Variants in TRAPPC12 observed in about 807,000 individuals in gnomAD.
TRAPPC12 encodes trafficking protein particle complex subunit 12, also known as TPR repeat protein 15.
A neutral mutation model predicts 69.2 loss-of-function variants in TRAPPC12; 61 were observed. That is an observed-to-expected ratio of 0.88 (90% CI 0.72 to 1.09). The LOEUF (loss-of-function observed/expected upper bound fraction) is 1.09, where lower values mean the gene tolerates loss of function less well. Ranked by LOEUF, TRAPPC12 falls within the 50% of genes least tolerant of loss-of-function variation. The probability of loss-of-function intolerance (pLI) is 0.00; values close to 1 mark genes in which losing one functional copy is unlikely to be tolerated. For missense variants in TRAPPC12, 1,101 were observed against 1,016.4 expected, an observed-to-expected ratio of 1.08 and a Z score of -1.13; for synonymous variants, 469 against 438.9, an observed-to-expected ratio of 1.07 and a Z score of -0.86.
At chr2:3,438,517 C>A (rs1172822861) in intron 5 of TRAPPC12, among the ~76,000 whole-genome samples, 1 of 128,110 alleles carries the variant, frequency 7.8e-6, no homozygotes, top group Non-Finnish European at 1.6e-5. Flanking sequence ...TGGATCAATC[C>A]CCCCAATCCC....
chr2:3,388,265 C>A lies in TRAPPC12; in HGVS notation c.642C>A (p.Ala214=). Residue 214 remains alanine, a synonymous_variant, in exon 2 of 12, where the codon GCC becomes GCA. Transcript: ENST00000324266. ...TCAGCACGTTCTTCGGAGACACGGC[C>A]GCCAGCCACTCCTTGGCCTCGGACT... ...PSLSTFFGDT[A]ASHSLASDFF... is the part of the protein sequence containing the mutation. 1.2e-6 allele frequency: 2 copies of A among 1,608,628 alleles called. No individual in the cohort carries two copies. The highest frequency in any genetic ancestry group is 1.7e-6 in the Non-Finnish European group (2 of 1,177,754).
At chr2:3,463,967 A>G (rs1346066710) in intron 8 of TRAPPC12, among the ~76,000 whole-genome samples, 1 of 152,094 alleles carries the variant, frequency 6.6e-6, no homozygotes, top group Non-Finnish European at 1.5e-5. Flanking sequence ...TCTGTTGGAA[A>G]GCAGGGCTGC....
chr2:3,392,955 A>G (rs1660906162), intron 2 of TRAPPC12, among the ~76,000 whole-genome samples: 2 of 152,228 alleles, frequency 1.3e-5, no homozygotes, highest in Admixed American at 1.3e-4. Flanking sequence ...GTGAGAGGAC[A>G]GAGAAAATTT....
In TRAPPC12 at chr2:3,427,880, G is replaced by A. The variant is rs907984341; in HGVS notation, c.1417+3217G>A. ...TGCACTCCAGCCTGAGCAACAGAGT[G>A]AGACTCTGTCCCACAAAAAAAAAAA... On this transcript the variant is annotated intron_variant, in intron 5 of 11. Coordinates refer to ENST00000324266, the MANE Select transcript of TRAPPC12 (RefSeq NM_016030.6). Among the ~76,000 whole-genome samples the A allele has an allele frequency of 3.4e-5, 5 of 147,892 alleles. No individual in the cohort carries two copies. The East Asian group carries it at 9.7e-4, about 29-fold the overall frequency.
intron 3 of TRAPPC12, among the ~76,000 whole-genome samples, chr2:3,419,049 C>G (rs1662617830): frequency 6.6e-6 from 1 of 152,198 alleles, no homozygotes; most frequent in Non-Finnish European, 1.5e-5. Flanking sequence ...CCTGTGCCCC[C>G]CATGCCTGCT....
Position 3,465,877 on chromosome 2 carries a change from G to A in TRAPPC12, c.1776+182G>A, listed in dbSNP as rs1665784820. 4.7e-5 allele frequency: 28 copies of A among 596,366 alleles called. No homozygotes were observed. In the South Asian group the frequency reaches 5.6e-4, roughly 12 times the overall value. The allele number at this position is 596,366 out of a possible 1,614,324, so 36.9% of individuals were successfully genotyped here. On this transcript the variant is annotated intron_variant, in intron 9 of 11. Coordinates refer to ENST00000324266, the MANE Select transcript of TRAPPC12 (RefSeq NM_016030.6). Reference sequence around the variant, plus strand: ...AGGAGTTCTGGTTTGACTGTGGGAGGCCCTGCTGGCTTTTGTGCCTGTTGC... The same window carrying A: ...AGGAGTTCTGGTTTGACTGTGGGAGACCCTGCTGGCTTTTGTGCCTGTTGC...
chr2:3,420,327 A>G (rs946223487), intron 3 of TRAPPC12, among the ~76,000 whole-genome samples: 1 of 152,156 alleles, frequency 6.6e-6, no homozygotes, highest in Non-Finnish European at 1.5e-5. Flanking sequence ...AAGGCCCAGC[A>G]CCCGTTCCTT....
chr2:3,455,303 C>T (rs541280148), intron 6 of TRAPPC12: 9 of 152,184 alleles, frequency 5.9e-5, no homozygotes, highest in African/African-American at 1.7e-4. Context: ...GCAGGCAATG[C>T]GTAATAATCC....
At chr2:3,467,694 T>G (rs1665878277) in intron 9 of TRAPPC12, 1 of 152,202 alleles carries the variant, frequency 6.6e-6, no homozygotes, top group Non-Finnish European at 1.5e-5. Flanking sequence ...AGAGCACCGT[T>G]GTGATCAGCA....
At chr2:3,439,067 A>G (rs1177371107) in intron 5 of TRAPPC12, among the ~76,000 whole-genome samples, 2 of 152,192 alleles carry the variant, frequency 1.3e-5, no homozygotes, top group East Asian at 1.9e-4. Context: ...CCTAAGAGCA[A>G]TCAATGAGAG....
rs915330423 is a variant in TRAPPC12 at position 3,414,686 on chromosome 2, G to A, written c.1165-7195G>A. Among the ~76,000 whole-genome samples, 12 of 152,248 alleles carry A rather than the reference G, an allele frequency of 7.9e-5. No homozygotes were observed. The highest frequency in any genetic ancestry group is 6.2e-4 in the South Asian group (3 of 4,814). On this transcript the variant is annotated intron_variant, in intron 3 of 11. Coordinates refer to ENST00000324266, the MANE Select transcript of TRAPPC12 (RefSeq NM_016030.6). This position sits in a 1 kb window ranked among gnomAD's most constrained non-coding sequence, Gnocchi z 4.9. ...CAGAGCTGTCAAGCGTGTCCATGCC[G>A]TGCCGCTTGTGCCTCTGCCCCGCGA...
In TRAPPC12 at chr2:3,387,905, C is replaced by T. The variant is rs1329143399; in HGVS notation, c.282C>T (p.Pro94=). Residue 94 remains proline (P), a synonymous_variant, in exon 2 of 12, where the codon CCC becomes CCT. Coordinates refer to ENST00000324266, the MANE Select transcript of TRAPPC12 (RefSeq NM_016030.6). ...DLGRVRDEAE[P]GGEGDPGPEP... is the part of the protein sequence containing the mutation. ...GCCGAGTGCGGGACGAAGCTGAGCCCGGAGGGGAAGGCGACCCAGGCCCGG... is the reference window on the plus strand; with the variant it reads ...GCCGAGTGCGGGACGAAGCTGAGCCTGGAGGGGAAGGCGACCCAGGCCCGG... The T allele has an allele frequency of 6.4e-7, 1 of 1,551,270 alleles. No homozygotes were observed. Among genetic ancestry groups the T allele is most frequent in the Non-Finnish European group, 8.7e-7 (1 of 1,147,730 alleles).
intron 2 of TRAPPC12, among the ~76,000 whole-genome samples, chr2:3,401,120 C>A (rs1208061319): frequency 6.6e-6 from 1 of 152,224 alleles, no homozygotes; most frequent in Non-Finnish European, 1.5e-5. Context: ...ATGAAGTGCG[C>A]CCAGCAGCTC....
At chr2:3,390,412 A>T (rs1660759361) in intron 2 of TRAPPC12, among the ~76,000 whole-genome samples, 2 of 152,236 alleles carry the variant, frequency 1.3e-5, no homozygotes, top group Admixed American at 6.5e-5. Context: ...GGACATAATC[A>T]TACTTCTATA....
intron 3 of TRAPPC12, among the ~76,000 whole-genome samples, chr2:3,416,509 GTGCCCTCCCCCTGCCCCTTCAC>G (rs1662406470): frequency 1.5e-5 from 1 of 67,138 alleles, no homozygotes; most frequent in Non-Finnish European, 3.0e-5. Context: ...CCCCTTCACT[GTGCCCTCCCCCTGCCCCTTCAC>G]TGCCCTCCCC....
At chr2:3,391,065 T>G (rs1660796434) in intron 2 of TRAPPC12, among the ~76,000 whole-genome samples, 1 of 152,202 alleles carries the variant, frequency 6.6e-6, no homozygotes, top group Non-Finnish European at 1.5e-5. Flanking sequence ...TATGATAAAA[T>G]TTTTATAAAT....
chr2:3,452,407 G>A (rs1183680182), intron 6 of TRAPPC12, among the ~76,000 whole-genome samples: 2 of 152,232 alleles, frequency 1.3e-5, no homozygotes, highest in Non-Finnish European at 2.9e-5. Flanking sequence ...GGATGGGAAT[G>A]AGACTCTGCC....
chr2:3,448,665 A>G (rs986504143), intron 6 of TRAPPC12, among the ~76,000 whole-genome samples: 4 of 145,598 alleles, frequency 2.7e-5, no homozygotes, highest in Non-Finnish European at 6.0e-5. Flanking sequence ...GCAGCCGGTT[A>G]CGCGAGGGTA....
chr2:3,386,073 G>A (rs1312347242), intron 1 of TRAPPC12, among the ~76,000 whole-genome samples: 1 of 152,180 alleles, frequency 6.6e-6, no homozygotes, highest in Admixed American at 6.5e-5. Context: ...AGGCTGAACC[G>A]GAAACTTCTT....
Sources: allele counts gnomAD v4.1 joint callset (sites outside exome capture counted in the v4.1 genomes callset), GRCh38; gene constraint gnomAD v4.1.1; non-coding constraint Gnocchi (gnomAD v3.1); transcripts MANE v1.5; gene names NCBI Gene and HGNC (gene_info 2026-07-23, HGNC 2026-07-21).